TMTC1: variants seen among roughly 807,000 people sequenced by gnomAD.
The protein encoded by TMTC1 is transmembrane O-mannosyltransferase targeting cadherins 1.
A neutral mutation model predicts 104.8 loss-of-function variants in TMTC1; 73 were observed. That is an observed-to-expected ratio of 0.70 (90% confidence interval 0.58 to 0.85). The LOEUF is 0.85. Ranked by LOEUF, TMTC1 falls within the 40% of genes least tolerant of loss-of-function variation. TMTC1 has a pLI of 0.00. For synonymous variants in TMTC1, 434 were observed against 428.7 expected, an observed-to-expected ratio of 1.01 and a Z score of -0.15; for missense variants, 1,035 against 1,096.1, an observed-to-expected ratio of 0.94 and a Z score of 0.79.
At chr12:29,573,276 G>A (rs1177159508) in intron 8 of TMTC1, among the ~76,000 whole-genome samples, 2 of 152,140 alleles carry the variant, frequency 1.3e-5, no homozygotes, top group African/African-American at 4.8e-5. Flanking sequence ...ATGAATGAAA[G>A]TGGTGGAAAA....
intron 1 of TMTC1, among the ~76,000 whole-genome samples, chr12:29,768,927 G>T (rs1457316640): frequency 6.6e-6 from 1 of 152,138 alleles, no homozygotes; most frequent in Non-Finnish European, 1.5e-5. Flanking sequence ...ATTCTGTGGG[G>T]TTACAGAAAA....
At chr12:29,545,414 C>A (rs577345428) in intron 10 of TMTC1, among the ~76,000 whole-genome samples, 1 of 152,054 alleles carries the variant, frequency 6.6e-6, no homozygotes, top group Non-Finnish European at 1.5e-5. Flanking sequence ...CTGAGGAAGA[C>A]GGATCATTTG....
At position 29,518,472 on chromosome 12, in the gene TMTC1, C is replaced by T. The variant is rs1380089310; in HGVS notation, c.2024G>A (p.Arg675His). 3.1e-5 allele frequency: 50 copies of T among 1,611,930 alleles called. No homozygotes were observed. The highest frequency in any genetic ancestry group is 1.0e-4 in the Admixed American group (6 of 59,824). The change falls in exon 13 of 18, where the codon CGC becomes CAC. Residue 675 changes from arginine to histidine, a missense_variant and splice_region_variant. Transcript: ENST00000539277. ...ENSMAEEWYK[R>H]ALQVAHKAEI... is the part of the protein sequence containing the mutation. The stretch of plus-strand genomic sequence containing the variant: ...ATAAAGAAAAGAAAGGGAACTTTAC[C>T]GCTTGTACCATTCTTCAGCCATGCT...
intron 5 of TMTC1, among the ~76,000 whole-genome samples, chr12:29,713,452 G>A (rs534562548): frequency 1.8e-4 from 27 of 151,956 alleles, no homozygotes; most frequent in African/African-American, 4.6e-4. Flanking sequence ...CTAACACACC[G>A]ATGCATGATT....
At chr12:29,762,341 G>A (rs1943370843) in intron 2 of TMTC1, among the ~76,000 whole-genome samples, 1 of 152,204 alleles carries the variant, frequency 6.6e-6, no homozygotes, top group African/African-American at 2.4e-5. Flanking sequence ...TAAAGGGCCT[G>A]CTGGATAAAT....
intron 5 of TMTC1, among the ~76,000 whole-genome samples, chr12:29,702,163 G>A (rs1246345432): frequency 6.6e-6 from 1 of 152,074 alleles, no homozygotes; most frequent in South Asian, 2.1e-4. Context: ...TCATGATACT[G>A]CCTTCTTCTT....
At chr12:29,641,696 C>T (rs1224517887) in intron 5 of TMTC1, among the ~76,000 whole-genome samples, 3 of 152,074 alleles carry the variant, frequency 2.0e-5, no homozygotes, top group Non-Finnish European at 4.4e-5. Flanking sequence ...CAATACCCCC[C>T]CAAAAAAATC....
rs879602127 is a variant in TMTC1 at position 29,725,011 on chromosome 12, G to GTTTTTTTTTTTTTTTTT, written c.938+26654_938+26655insAAAAAAAAAAAAAAAAA. Among the ~76,000 whole-genome samples, 12 of 115,752 alleles carry GTTTTTTTTTTTTTTTTT rather than the reference G, an allele frequency of 1.0e-4. 1 individual carries two copies. Among genetic ancestry groups the GTTTTTTTTTTTTTTTTT allele is most frequent in the African/African-American group, 2.5e-4 (8 of 32,322 alleles). 75.9% of individuals were successfully genotyped at this position (115,752 alleles called of 152,430 possible). ...CGTAGTTTAGCTATATATCTGCCAAGTTCTTTTTTTTTTTTTTTTTTTTTT... is the reference window on the plus strand; with the variant it reads ...CGTAGTTTAGCTATATATCTGCCAAGTTTTTTTTTTTTTTTTTTTCTTTTTTTTTTTTTTTTTTTTTT... On this transcript the variant is annotated intron_variant, in intron 5 of 17. Transcript: ENST00000539277.
At chr12:29,761,582 G>T (rs1050323599) in intron 2 of TMTC1, among the ~76,000 whole-genome samples, 25 of 149,494 alleles carry the variant, frequency 1.7e-4, no homozygotes, top group Middle Eastern at 3.5e-3. Flanking sequence ...TGCATTTCTC[G>T]TTTTTTTTTT....
intron 1 of TMTC1, among the ~76,000 whole-genome samples, chr12:29,777,427 T>A (rs970409855): frequency 2.6e-5 from 4 of 152,198 alleles, no homozygotes; most frequent in African/African-American, 9.6e-5. Context: ...GATGATGACA[T>A]ACTCAAAGTT....
At chr12:29,732,325 G>C (rs1227377746) in intron 5 of TMTC1, among the ~76,000 whole-genome samples, 1 of 152,100 alleles carries the variant, frequency 6.6e-6, no homozygotes, top group Non-Finnish European at 1.5e-5. Context: ...TGACAAGAAA[G>C]GAAAAACCAT....
intron 15 of TMTC1, among the ~76,000 whole-genome samples, chr12:29,515,387 C>G (rs867130304): frequency 2.0e-5 from 3 of 152,308 alleles, no homozygotes; most frequent in South Asian, 4.1e-4. Context: ...CTTGGCCTGG[C>G]CCCAAGGAGT....
At chr12:29,724,478 A>C (rs2136893779) in intron 5 of TMTC1, among the ~76,000 whole-genome samples, 1 of 152,348 alleles carries the variant, frequency 6.6e-6, no homozygotes, top group Middle Eastern at 3.4e-3. Context: ...TGACAGGAAA[A>C]AAGTAAAAAC....
At chr12:29,556,575 C>T (rs549424784) in intron 10 of TMTC1, among the ~76,000 whole-genome samples, 3 of 152,340 alleles carry the variant, frequency 2.0e-5, no homozygotes, top group South Asian at 2.1e-4. Flanking sequence ...AGCATGTTCT[C>T]AATTTATCTG....
chr12:29,773,351 G>T (rs953223634), intron 1 of TMTC1, among the ~76,000 whole-genome samples: 5 of 152,136 alleles, frequency 3.3e-5, no homozygotes, highest in African/African-American at 1.2e-4. Context: ...CACTCCCACA[G>T]CCTGGAGCTT....
At chr12:29,595,219 A>C (rs1255595980) in intron 7 of TMTC1, among the ~76,000 whole-genome samples, 1 of 152,196 alleles carries the variant, frequency 6.6e-6, no homozygotes, top group Non-Finnish European at 1.5e-5. Flanking sequence ...AGAGTTTGGT[A>C]ATATTAAGGG....
chr12:29,735,238 T>C (rs1942640966), intron 5 of TMTC1, among the ~76,000 whole-genome samples: 1 of 152,186 alleles, frequency 6.6e-6, no homozygotes, highest in South Asian at 2.1e-4. Flanking sequence ...CAAAACAAGC[T>C]TTCTGCTTGC....
At position 29,755,851 on chromosome 12, in the gene TMTC1, G is replaced by C. The variant is rs138511732; in HGVS notation, c.589C>G (p.Pro197Ala). The change falls in exon 4 of 18, where the codon CCT becomes GCT. Residue 197 changes from proline to alanine, a missense_variant. Physicochemically the swap from Pro to Ala is conservative, Grantham distance 27. Transcript: ENST00000539277. The part of the protein sequence containing the change: ...LDQGCVGGSF[P>A]STVSPFFLLL... ...AAGAAGAAGGGAGACACCGTGGAAG[G>C]GAAACTTCCCCCAACACAGCCCTGA... 7 of 1,613,984 alleles carry C rather than the reference G, an allele frequency of 4.3e-6. No individual in the cohort carries two copies. In the African/African-American group the frequency reaches 8.0e-5, roughly 18 times the overall value.
intron 5 of TMTC1, among the ~76,000 whole-genome samples, chr12:29,657,628 T>C (rs1330064375): frequency 6.6e-6 from 1 of 151,310 alleles, no homozygotes; most frequent in Non-Finnish European, 1.5e-5. Flanking sequence ...ATAGTTTTTA[T>C]TATAAAAATG....
Sources: gnomAD v4.1 joint callset for allele counts (sites outside exome capture counted in the v4.1 genomes callset) on GRCh38, gnomAD v4.1.1 for gene constraint, MANE v1.5 for transcripts, NCBI Gene and HGNC (gene_info 2026-07-23, HGNC 2026-07-21) for gene names.